Variants in AP3M1 observed in about 807,000 individuals in gnomAD.
AP3M1 encodes the protein AP-3 complex subunit mu-1.
Under a neutral mutation model 42.6 loss-of-function variants are expected in AP3M1, and 29 were observed. The ratio of observed to expected loss-of-function variants is 0.68; its 90% CI spans 0.51 to 0.93. The LOEUF (loss-of-function observed/expected upper bound fraction) is 0.93, where lower values mean the gene tolerates loss of function less well. AP3M1 is among the 40% of genes least tolerant of loss of function. The pLI is 0.00. For missense variants in AP3M1, 416 were observed against 510.2 expected, an observed-to-expected ratio of 0.82 and a Z score of 1.78; for synonymous variants, 178 against 175.3, an observed-to-expected ratio of 1.02 and a Z score of -0.12.
At chr10:74,145,746 C>A (rs1003122100) in intron 1 of AP3M1, among the ~76,000 whole-genome samples, 24 of 152,354 alleles carry the variant, frequency 1.6e-4, no homozygotes, top group African/African-American at 5.1e-4. Context: ...AGAGCTTTGA[C>A]TGCAGCTTAA....
At position 74,124,398 on chromosome 10, in the gene AP3M1, G is replaced by A; in HGVS notation, c.1138C>T (p.Gln380Ter). 1 of 1,608,762 alleles carries A rather than the reference G, an allele frequency of 6.2e-7. No individual in the cohort carries two copies. The highest frequency in any genetic ancestry group is 8.5e-7 in the Non-Finnish European group (1 of 1,178,612). Residue 380 changes from glutamine (Q) to a stop codon, truncating the protein, a stop_gained, in exon 8 of 9, where the codon CAG becomes TAG. Transcript: ENST00000355264. LOFTEE classifies it high-confidence loss of function. The part of the protein sequence containing the change: ...NPSLNIQFKI[Q>*]QLAISGLKVN... Reference sequence around the variant, plus strand: ...TCCTTACCTGAAATAGCAAGCTGCTGGATCTTAAACTGTATGTTGAGGCTC... The same window carrying A: ...TCCTTACCTGAAATAGCAAGCTGCTAGATCTTAAACTGTATGTTGAGGCTC...
At chr10:74,143,927 T>C (rs1564555196) in intron 1 of AP3M1, among the ~76,000 whole-genome samples, 1 of 152,218 alleles carries the variant, frequency 6.6e-6, no homozygotes, top group Non-Finnish European at 1.5e-5. Flanking sequence ...ATGTGGCTAA[T>C]GTACCCAATA....
chr10:74,131,779 T>C (rs1267254879), intron 4 of AP3M1, among the ~76,000 whole-genome samples: 3 of 151,978 alleles, frequency 2.0e-5, no homozygotes, highest in Non-Finnish European at 4.4e-5. Flanking sequence ...TGGGCTCAAG[T>C]GATCTTCCTG....
intron 1 of AP3M1, among the ~76,000 whole-genome samples, chr10:74,149,734 A>C (rs532708122): frequency 6.6e-6 from 1 of 152,258 alleles, no homozygotes; most frequent in African/African-American, 2.4e-5. Context: ...TCTGGGAGAC[A>C]AGACTTTTTC....
At position 74,121,311 on chromosome 10, in the gene AP3M1, A is replaced by C. The variant is rs1426514143; in HGVS notation, c.*2499T>G. ...TAGGGTCCTTCTGTAGCACCACTTA[A>C]GGAATGAACCTATCACAGGAACTCC... On this transcript the variant is annotated 3_prime_UTR_variant, in exon 9 of 9. Transcript: ENST00000355264. The C allele has an allele frequency of 6.6e-6, 1 of 152,226 alleles. No individual in the cohort carries two copies. Among genetic ancestry groups the C allele is most frequent in the Non-Finnish European group, 1.5e-5 (1 of 68,050 alleles). The allele number at this position is 152,226 out of a possible 1,614,324, so 9.4% of individuals were successfully genotyped here. A position where few individuals can be genotyped will look rare whatever the true frequency, so the allele number is the denominator to read the frequency against.
intron 6 of AP3M1, among the ~76,000 whole-genome samples, chr10:74,126,717 G>A (rs938154132): frequency 4.6e-5 from 7 of 151,642 alleles, no homozygotes; most frequent in African/African-American, 1.7e-4. Context: ...GGCTGGGCGC[G>A]GTGGCTCACA....
intron 1 of AP3M1, among the ~76,000 whole-genome samples, chr10:74,146,340 T>G (rs1308177826): frequency 1.3e-5 from 2 of 152,212 alleles, no homozygotes; most frequent in Admixed American, 1.3e-4. Flanking sequence ...ATTTTATAAT[T>G]TTTTTAATTA....
chr10:74,130,184 C>G (rs1840741272), intron 4 of AP3M1, among the ~76,000 whole-genome samples, 192 bp from the exon 5 acceptor site: 1 of 150,924 alleles, frequency 6.6e-6, no homozygotes, highest in African/African-American at 2.4e-5. Context: ...TCCTCCTGCC[C>G]TAGCCTCCCA....
chr10:74,120,422 AAC>A lies in AP3M1; in HGVS notation c.*3386_*3387del, dbSNP rs1378992128. On this transcript the variant is annotated 3_prime_UTR_variant, in exon 9 of 9. Coordinates refer to ENST00000355264, the MANE Select transcript of AP3M1 (RefSeq NM_012095.6). The stretch of plus-strand genomic sequence containing the variant: ...TAACAGGCAGAAAGCAGCTGGATGA[AAC>A]AGTTTATTTTCATCTTAGAAGATTC... 1 of 152,226 alleles carries A rather than the reference AAC, an allele frequency of 6.6e-6. No homozygotes were observed. The highest frequency in any genetic ancestry group is 2.4e-5 in the African/African-American group (1 of 41,440). The allele number at this position is 152,226 out of a possible 1,614,324, so 9.4% of individuals were successfully genotyped here.
At chr10:74,133,533 C>A (rs1468748410) in intron 4 of AP3M1, among the ~76,000 whole-genome samples, 1 of 152,016 alleles carries the variant, frequency 6.6e-6, no homozygotes, top group African/African-American at 2.4e-5. Flanking sequence ...TGCACTCCAG[C>A]CTGGACAACA....
Position 74,122,416 on chromosome 10 carries a change from C to G in AP3M1, c.*1394G>C, listed in dbSNP as rs1290657669. 6.6e-6 allele frequency: 1 copy of G among 152,096 alleles called. No individual in the cohort carries two copies. The highest frequency in any genetic ancestry group is 1.5e-5 in the Non-Finnish European group (1 of 68,020). The allele number at this position is 152,096 out of a possible 1,614,324, so 9.4% of individuals were successfully genotyped here. A position where few individuals can be genotyped will look rare whatever the true frequency, so the allele number is the denominator to read the frequency against. On this transcript the variant is annotated 3_prime_UTR_variant, in exon 9 of 9. Coordinates refer to ENST00000355264, the MANE Select transcript of AP3M1 (RefSeq NM_012095.6). ...ACAAGAAGGAAACATGAAGAACAAG[C>G]ACTTAAGATATTAACTTTCAGTCTT...
Position 74,126,217 on chromosome 10 carries a change from C to T in AP3M1, c.942G>A (p.Met314Ile). The T allele has an allele frequency of 1.9e-6, 3 of 1,614,208 alleles. No individual in the cohort carries two copies. The highest frequency in any genetic ancestry group is 2.5e-6 in the Non-Finnish European group (3 of 1,180,028). The change falls in exon 7 of 9, where the codon ATG becomes ATA. Residue 314 changes from methionine to isoleucine, a missense_variant. Transcript: ENST00000355264. ...TIEGITVTVH[M>I]PKVVLNMNLT... ...GGTTCATGTTCAGCACAACTTTTGG[C>T]ATGTGAACTGTCACTGTAATTCCTT...
At chr10:74,149,382 C>A (rs1477917116) in intron 1 of AP3M1, among the ~76,000 whole-genome samples, 1 of 128,684 alleles carries the variant, frequency 7.8e-6, no homozygotes, top group African/African-American at 2.9e-5. Context: ...TTCCGCCTCC[C>A]GGGTTCAAGG....
Position 74,123,930 on chromosome 10 carries a change from AAAG to A in AP3M1, c.1157-23_1157-21del. The A allele has an allele frequency of 6.3e-7, 1 of 1,595,058 alleles. No homozygotes were observed. The highest frequency in any genetic ancestry group is 1.1e-5 in the South Asian group (1 of 90,626). Reference sequence around the variant, plus strand: ...TTAAGCCTGTATCAAAAAGAATGAAAAAGAATAAATTATCATCATCCCAACCAA... The same window carrying A: ...TTAAGCCTGTATCAAAAAGAATGAAAAATAAATTATCATCATCCCAACCAA... On this transcript the variant is annotated intron_variant, in intron 8 of 8. Transcript: ENST00000355264.
At position 74,136,619 on chromosome 10, in the gene AP3M1, G is replaced by A; in HGVS notation, c.445+13C>T. Reference sequence around the variant, plus strand: ...AATTGCTCAGTTACTAGCACAGTATGTTTTCATCTTACCTGTAATAGAGTT... The same window carrying A: ...AATTGCTCAGTTACTAGCACAGTATATTTTCATCTTACCTGTAATAGAGTT... On this transcript the variant is annotated intron_variant, in intron 3 of 8. Transcript: ENST00000355264. 1 of 1,525,890 alleles carries A rather than the reference G, an allele frequency of 6.6e-7. No individual in the cohort carries two copies. The highest frequency in any genetic ancestry group is 8.9e-7 in the Non-Finnish European group (1 of 1,121,344). 94.5% of individuals were successfully genotyped at this position (1,525,890 alleles called of 1,614,324 possible).
rs918627213 is a variant in AP3M1, at chr10:74,120,912, G to A, written c.*2898C>T. ...CTATAAAACAGAGTTAGCTTTTGGG[G>A]ACATAGTCCTCTTCTTCCTTAAAGA... On this transcript the variant is annotated 3_prime_UTR_variant, in exon 9 of 9. Coordinates refer to ENST00000355264, the MANE Select transcript of AP3M1 (RefSeq NM_012095.6). 4.6e-5 allele frequency: 7 copies of A among 152,184 alleles called. No homozygotes were observed. The highest frequency in any genetic ancestry group is 1.3e-4 in the Admixed American group (2 of 15,278). 9.4% of individuals were successfully genotyped at this position (152,184 alleles called of 1,614,324 possible). A position where few individuals can be genotyped will look rare whatever the true frequency, so the allele number is the denominator to read the frequency against.
chr10:74,140,509 G>C (rs1427694741), intron 1 of AP3M1, among the ~76,000 whole-genome samples: 1 of 152,078 alleles, frequency 6.6e-6, no homozygotes, highest in East Asian at 1.9e-4. Flanking sequence ...GGTCTGAAAT[G>C]CTTCATCTAC....
intron 4 of AP3M1, among the ~76,000 whole-genome samples, chr10:74,132,979 G>A (rs1018089840): frequency 1.3e-5 from 2 of 152,186 alleles, no homozygotes; most frequent in African/African-American, 4.8e-5. Context: ...TGGGCCAGGT[G>A]CAGTGGCTCA....
At chr10:74,143,211 C>A (rs886247654) in intron 1 of AP3M1, among the ~76,000 whole-genome samples, 29 of 152,224 alleles carry the variant, frequency 1.9e-4, no homozygotes, top group African/African-American at 6.8e-4. Flanking sequence ...ATTAGCCGGG[C>A]ATGGTGGCGT....
Sources: gnomAD v4.1 joint callset for allele counts (sites outside exome capture counted in the v4.1 genomes callset) on GRCh38, gnomAD v4.1.1 for gene constraint, MANE v1.5 for transcripts, NCBI Gene and HGNC (gene_info 2026-07-23, HGNC 2026-07-21) for gene names.